Variants in DOK6 observed in about 807,000 individuals in gnomAD.
DOK6 encodes docking protein 6.
In DOK6, 22 loss-of-function variants were observed where a neutral mutation model predicts 44.0. The observed-to-expected ratio is 0.50, with a 90% CI of 0.36 to 0.71. The LOEUF (loss-of-function observed/expected upper bound fraction) is 0.71. Ranked by LOEUF, DOK6 falls within the 30% of genes least tolerant of loss-of-function variation. The probability of loss-of-function intolerance (pLI) is 0.00; values close to 1 mark genes in which losing one functional copy is unlikely to be tolerated. For missense variants in DOK6, 340 were observed against 416.4 expected (o/e 0.82, Z 1.60); for synonymous variants, 166 against 145.5 (o/e 1.14, Z -1.01).
chr18:69,732,051 C>T (rs1184607276), intron 5 of DOK6, among the ~76,000 whole-genome samples: 2 of 152,164 alleles, frequency 1.3e-5, no homozygotes, highest in African/African-American at 4.8e-5. Flanking sequence ...AGCACCAAGG[C>T]ACCATTCTTC....
intron 1 of DOK6, among the ~76,000 whole-genome samples, chr18:69,526,591 C>A (rs1981837939): frequency 6.6e-6 from 1 of 152,218 alleles, no homozygotes; most frequent in East Asian, 1.9e-4. Context: ...GTTTTCATTT[C>A]TCTTAGATAT....
At chr18:69,559,701 C>A (rs1315371571) in intron 1 of DOK6, among the ~76,000 whole-genome samples, 2 of 152,108 alleles carry the variant, frequency 1.3e-5, no homozygotes, top group Non-Finnish European at 2.9e-5. Context: ...TAGCTAGTGG[C>A]TTGAACCACA....
chr18:69,534,051 A>G (rs1264082689), intron 1 of DOK6, among the ~76,000 whole-genome samples: 1 of 152,174 alleles, frequency 6.6e-6, no homozygotes, highest in East Asian at 1.9e-4. Context: ...GCACAAAAGT[A>G]CATTACACGT....
At chr18:69,786,874 G>A (rs1198435647) in intron 7 of DOK6, among the ~76,000 whole-genome samples, 1 of 152,172 alleles carries the variant, frequency 6.6e-6, no homozygotes, top group Non-Finnish European at 1.5e-5. Context: ...TTAAGTACCA[G>A]CAATTTCAGA....
chr18:69,444,644 CTTTTT>C (rs200365790), intron 1 of DOK6, among the ~76,000 whole-genome samples: 28 of 132,748 alleles, frequency 2.1e-4, no homozygotes, highest in African/African-American at 7.1e-4. Flanking sequence ...TAAAATCAAC[CTTTTT>C]TTTTTTTTTT....
At chr18:69,622,095 C>T (rs185853305) in intron 3 of DOK6, among the ~76,000 whole-genome samples, 40 of 152,190 alleles carry the variant, frequency 2.6e-4, no homozygotes, top group African/African-American at 7.7e-4. Context: ...ATATGTAATA[C>T]CCAAAGTATC....
At chr18:69,427,814 C>T (rs1321613303) in intron 1 of DOK6, among the ~76,000 whole-genome samples, 1 of 148,492 alleles carries the variant, frequency 6.7e-6, no homozygotes, top group African/African-American at 2.5e-5. Context: ...TTTCACTCTT[C>T]TCACCCAGGC....
At chr18:69,701,320 C>T (rs1599271837) in intron 5 of DOK6, among the ~76,000 whole-genome samples, 1 of 152,200 alleles carries the variant, frequency 6.6e-6, no homozygotes, top group South Asian at 2.1e-4. Context: ...CAGCTCGGAG[C>T]AATTGCTCTT....
chr18:69,453,764 AC>A (rs1979542314), intron 1 of DOK6, among the ~76,000 whole-genome samples: 1 of 53,922 alleles, frequency 1.9e-5, no homozygotes, highest in Non-Finnish European at 3.2e-5. Flanking sequence ...CATACCTACA[AC>A]TATCTGATCT....
intron 1 of DOK6, among the ~76,000 whole-genome samples, chr18:69,490,930 T>C (rs1478187339): frequency 1.3e-5 from 2 of 152,250 alleles, no homozygotes; most frequent in Non-Finnish European, 2.9e-5. Flanking sequence ...TTTACAAGAA[T>C]GACTCATGTC....
chr18:69,594,639 A>C (rs527261422), intron 2 of DOK6, among the ~76,000 whole-genome samples: 1 of 152,058 alleles, frequency 6.6e-6, no homozygotes, highest in East Asian at 1.9e-4. Context: ...ATTGGAAAAG[A>C]AGTCAAATTG....
chr18:69,664,484 A>G (rs1985606898), intron 3 of DOK6, among the ~76,000 whole-genome samples: 1 of 152,228 alleles, frequency 6.6e-6, no homozygotes, highest in Non-Finnish European at 1.5e-5. Flanking sequence ...TTTCAACATC[A>G]GTGGTCCTTG....
intron 3 of DOK6, among the ~76,000 whole-genome samples, chr18:69,646,589 A>G (rs901770078): frequency 5.3e-5 from 8 of 152,192 alleles, no homozygotes. Flanking sequence ...GATTTCTTCC[A>G]TGGTGCCCAT....
At chr18:69,538,982 G>A (rs1982196108) in intron 1 of DOK6, among the ~76,000 whole-genome samples, 1 of 152,170 alleles carries the variant, frequency 6.6e-6, no homozygotes, top group South Asian at 2.1e-4. Flanking sequence ...CAGAGCAGAT[G>A]TGAGAATTGA....
chr18:69,704,475 CTTT>C (rs10685670), intron 5 of DOK6, among the ~76,000 whole-genome samples: 9 of 107,164 alleles, frequency 8.4e-5, no homozygotes, highest in Non-Finnish European at 8.9e-5. Flanking sequence ...CCAGATATGA[CTTT>C]TTTTTTTTTT....
intron 2 of DOK6, among the ~76,000 whole-genome samples, chr18:69,596,680 C>T (rs1336800118): frequency 1.3e-5 from 2 of 152,126 alleles, no homozygotes; most frequent in Non-Finnish European, 2.9e-5. Context: ...CAGACTAAAA[C>T]TCACAGACAT....
chr18:69,719,744 C>T (rs1182294247), intron 5 of DOK6, among the ~76,000 whole-genome samples: 2 of 152,200 alleles, frequency 1.3e-5, no homozygotes, highest in Admixed American at 6.5e-5. Flanking sequence ...GGCCTATTCT[C>T]AGGCATGAGC....
chr18:69,530,866 T>C (rs976116575), intron 1 of DOK6, among the ~76,000 whole-genome samples: 4 of 152,176 alleles, frequency 2.6e-5, no homozygotes, highest in African/African-American at 7.2e-5. Context: ...CAGTGGGGTG[T>C]TAAAGTCTCC....
chr18:69,634,775 A>T (rs867202890), intron 3 of DOK6, among the ~76,000 whole-genome samples: 5 of 152,236 alleles, frequency 3.3e-5, no homozygotes, highest in Non-Finnish European at 7.3e-5. Context: ...TCAGAAAATA[A>T]TAAGCACAAT....
Sources: allele counts gnomAD v4.1 joint callset (sites outside exome capture counted in the v4.1 genomes callset), GRCh38; gene constraint gnomAD v4.1.1; transcripts MANE v1.5; gene names NCBI Gene and HGNC (gene_info 2026-07-23, HGNC 2026-07-21).